EPHA5: variants seen among roughly 807,000 people sequenced by gnomAD.
EPHA5 encodes the protein ephrin type-A receptor 5.
A neutral mutation model predicts 105.0 loss-of-function variants in EPHA5; 60 were observed. That is an observed-to-expected ratio of 0.57 (90% confidence interval 0.46 to 0.71). The LOEUF (loss-of-function observed/expected upper bound fraction) is 0.71, where lower values mean the gene tolerates loss of function less well. EPHA5 is among the 30% of genes least tolerant of loss of function. The pLI is 0.00. For synonymous variants in EPHA5, 513 were observed against 449.1 expected (o/e 1.14, Z -1.80); for missense variants, 1,218 against 1,274.7 (o/e 0.96, Z 0.68).
chr4:65,666,221 C>T (rs188173770), intron 1 of EPHA5, among the ~76,000 whole-genome samples: 22 of 152,250 alleles, frequency 1.4e-4, no homozygotes, highest in East Asian at 5.8e-4. Flanking sequence ...ACATACAAAA[C>T]ATTCAGAGAC....
At chr4:65,338,452 G>A (rs1455014317) in intron 14 of EPHA5, among the ~76,000 whole-genome samples, 1 of 151,608 alleles carries the variant, frequency 6.6e-6, no homozygotes, top group Non-Finnish European at 1.5e-5. Context: ...CAATTAATTC[G>A]ATTTTTTTCT....
chr4:65,378,517 G>T (rs540853139), intron 8 of EPHA5, among the ~76,000 whole-genome samples: 1 of 152,040 alleles, frequency 6.6e-6, no homozygotes, highest in African/African-American at 2.4e-5. Flanking sequence ...GCAGCACTCA[G>T]ATTAGGGGTT....
chr4:65,384,518 C>T (rs186557400), intron 8 of EPHA5, among the ~76,000 whole-genome samples: 103 of 151,946 alleles, frequency 6.8e-4, no homozygotes, highest in African/African-American at 2.5e-3. Context: ...TTTTAGGTAG[C>T]CCATTTCCAG....
intron 6 of EPHA5, among the ~76,000 whole-genome samples, chr4:65,416,687 A>C (rs11943721): frequency 0.061 from 9,243 of 152,164 alleles, 545 homozygotes; most frequent in African/African-American, 0.16. Context: ...TGTCTGATTT[A>C]ACTGTTAACG....
intron 8 of EPHA5, among the ~76,000 whole-genome samples, chr4:65,396,240 C>T (rs1248904988): frequency 6.6e-6 from 1 of 152,210 alleles, no homozygotes; most frequent in East Asian, 1.9e-4. Flanking sequence ...GACACACCAA[C>T]CCCCTGCTAC....
At chr4:65,470,381 A>G (rs1350605346) in intron 5 of EPHA5, among the ~76,000 whole-genome samples, 2 of 151,990 alleles carry the variant, frequency 1.3e-5, no homozygotes, top group East Asian at 3.9e-4. Flanking sequence ...TACTAGAGAC[A>G]GGATTTTACC....
At chr4:65,636,700 T>C (rs1311340383) in intron 2 of EPHA5, among the ~76,000 whole-genome samples, 1 of 152,194 alleles carries the variant, frequency 6.6e-6, no homozygotes, top group Non-Finnish European at 1.5e-5. Context: ...CCCAGGTGTG[T>C]CGCTAACTAC....
intron 2 of EPHA5, among the ~76,000 whole-genome samples, chr4:65,636,075 T>G (rs1747096734): frequency 6.6e-6 from 1 of 152,204 alleles, no homozygotes; most frequent in Non-Finnish European, 1.5e-5. Context: ...AAATGAGATT[T>G]ATATAAAACA....
intron 3 of EPHA5, among the ~76,000 whole-genome samples, chr4:65,537,415 C>T (rs1736392839): frequency 1.3e-5 from 2 of 151,758 alleles, no homozygotes; most frequent in Admixed American, 6.6e-5. Context: ...TGGCACTAAT[C>T]CCTGCCACTG....
At chr4:65,348,252 C>T in intron 13 of EPHA5, 49 bp from the exon 14 acceptor site, 2 of 1,547,676 alleles carry the variant, frequency 1.3e-6, no homozygotes, top group South Asian at 1.2e-5. Flanking sequence ...TCAAATGTGC[C>T]TAGGGACAGT....
At chr4:65,480,060 TACAA>T (rs1163199823) in intron 5 of EPHA5, among the ~76,000 whole-genome samples, 5 of 149,638 alleles carry the variant, frequency 3.3e-5, no homozygotes, top group Admixed American at 2.7e-4. Context: ...ACACATGAGA[TACAA>T]ACAAACAAAC....
intron 2 of EPHA5, among the ~76,000 whole-genome samples, chr4:65,622,434 G>A (rs4428336): frequency 0.037 from 5,698 of 152,098 alleles, 349 homozygotes; most frequent in African/African-American, 0.13. Flanking sequence ...AAAAAAATTA[G>A]AAAACTATTC....
intron 11 of EPHA5, among the ~76,000 whole-genome samples, chr4:65,354,530 A>G (rs564075859): frequency 6.6e-6 from 1 of 151,902 alleles, no homozygotes; most frequent in Admixed American, 6.6e-5. Context: ...ACCTATGATA[A>G]TAAAATTACC....
At position 65,322,566 on chromosome 4, in the gene EPHA5, T is replaced by C. The variant is rs1719719991; in HGVS notation, c.*1548A>G. 4.4e-6 allele frequency: 1 copy of C among 224,838 alleles called. No homozygotes were observed. Among genetic ancestry groups the C allele is most frequent in the Admixed American group, 5.7e-5 (1 of 17,420 alleles). The allele number at this position is 224,838 out of a possible 1,614,324, so 13.9% of individuals were successfully genotyped here. A position where few individuals can be genotyped will look rare whatever the true frequency, so the allele number is the denominator to read the frequency against. On this transcript the variant is annotated 3_prime_UTR_variant, in exon 17 of 17. Transcript: ENST00000613740. ...GTTGGTTATCTCAGGAGCTCAGTTT[T>C]GGACAATTTCTAATACACTGCATAA...
chr4:65,543,727 T>A (rs565865430), intron 3 of EPHA5, among the ~76,000 whole-genome samples: 16 of 151,940 alleles, frequency 1.1e-4, no homozygotes, highest in Admixed American at 2.0e-4. Flanking sequence ...AAAAAAATCT[T>A]AAAAGTCATA....
At chr4:65,521,947 C>A (rs1430724358) in intron 3 of EPHA5, among the ~76,000 whole-genome samples, 1 of 152,040 alleles carries the variant, frequency 6.6e-6, no homozygotes, top group African/African-American at 2.4e-5. Flanking sequence ...ATTTGTTAAG[C>A]TTTGATTCTG....
chr4:65,399,713 C>A (rs1437663357), intron 8 of EPHA5, among the ~76,000 whole-genome samples: 4 of 152,154 alleles, frequency 2.6e-5, no homozygotes, highest in African/African-American at 7.2e-5. Flanking sequence ...GTTTTTACTT[C>A]TAATTGTGTA....
At chr4:65,330,955 G>C in intron 16 of EPHA5, 2 of 1,043,474 alleles carry the variant, frequency 1.9e-6, no homozygotes, top group South Asian at 9.2e-5. Flanking sequence ...GTGATAAATG[G>C]TGGTACCCTG....
intron 8 of EPHA5, among the ~76,000 whole-genome samples, chr4:65,383,345 C>T (rs952354871): frequency 1.3e-4 from 20 of 151,294 alleles, no homozygotes; most frequent in Non-Finnish European, 4.4e-5. Flanking sequence ...TATGAAAGGC[C>T]TGGACATGAT....
Sources: gnomAD v4.1 joint callset for allele counts (sites outside exome capture counted in the v4.1 genomes callset) on GRCh38, gnomAD v4.1.1 for gene constraint, MANE v1.5 for transcripts, NCBI Gene and HGNC (gene_info 2026-07-23, HGNC 2026-07-21) for gene names.